OR2C1: variants seen among roughly 807,000 people sequenced by gnomAD.
OR2C1 encodes olfactory receptor 2C1.
For synonymous variants in OR2C1, 209 were observed against 167.3 expected (o/e 1.25, Z -1.92); for missense variants, 468 against 388.3 (o/e 1.21, Z -1.73).
At chr16:3,357,975 G>T (rs1036557179), downstream of OR2C1, among the ~76,000 whole-genome samples, 1 of 151,738 alleles carries the variant, frequency 6.6e-6, no homozygotes, top group Non-Finnish European at 1.5e-5. Context: ...GCAAAACTCC[G>T]TCTCAATAAT....
chr16:3,345,860 C>CTCCT, the OR2C1 span, among the ~76,000 whole-genome samples: 2 of 149,786 alleles, frequency 1.3e-5, no homozygotes, highest in African/African-American at 4.9e-5. Flanking sequence ...CCCTCCCTCC[C>CTCCT]TCTCTCTTTC....
the OR2C1 span, among the ~76,000 whole-genome samples, chr16:3,338,186 G>T: frequency 6.6e-6 from 1 of 152,176 alleles, no homozygotes. Flanking sequence ...ACTCTGATTT[G>T]GTGTCTCCTT....
chr16:3,344,695 T>G, the OR2C1 span, among the ~76,000 whole-genome samples: 1 of 152,010 alleles, frequency 6.6e-6, no homozygotes, highest in African/African-American at 2.4e-5. Context: ...GCCACTGCAC[T>G]CCAGCCTGGG....
the OR2C1 span, among the ~76,000 whole-genome samples, chr16:3,338,884 A>G: frequency 2.6e-5 from 4 of 152,302 alleles, no homozygotes; most frequent in South Asian, 2.1e-4. Context: ...AAAATTAACC[A>G]TTTTAAGTGA....
chr16:3,326,209 G>A, the OR2C1 span, among the ~76,000 whole-genome samples: 3 of 152,018 alleles, frequency 2.0e-5, no homozygotes, highest in Non-Finnish European at 2.9e-5. Flanking sequence ...GATTACAGGC[G>A]TGAGCCACCG....
the OR2C1 span, among the ~76,000 whole-genome samples, chr16:3,334,676 G>A: frequency 5.5e-4 from 83 of 151,748 alleles, no homozygotes; most frequent in African/African-American, 1.8e-3. Context: ...AAAATGAGTT[G>A]GTTATAAATG....
the OR2C1 span, among the ~76,000 whole-genome samples, chr16:3,331,983 A>G: frequency 8.2e-4 from 124 of 151,402 alleles, no homozygotes; most frequent in African/African-American, 2.9e-3. Context: ...AGAACAAAAA[A>G]CCAAACACTG....
At chr16:3,339,645 A>G in the OR2C1 span, among the ~76,000 whole-genome samples, 538 of 152,150 alleles carry the variant, frequency 3.5e-3, 1 homozygote, top group Non-Finnish European at 6.2e-3. Flanking sequence ...TTTAGTAGAC[A>G]TGGGGTTTCA....
chr16:3,344,230 A>T, the OR2C1 span, among the ~76,000 whole-genome samples: 3 of 152,250 alleles, frequency 2.0e-5, 1 homozygote, highest in East Asian at 5.8e-4. Context: ...TAAAAAAAAC[A>T]AAACAAAACA....
chr16:3,350,443 G>T, the OR2C1 span, among the ~76,000 whole-genome samples: 2 of 139,352 alleles, frequency 1.4e-5, no homozygotes, highest in African/African-American at 2.7e-5. Flanking sequence ...ATGGAGTCTT[G>T]CTCTGTCGCC....
At position 3,355,947 on chromosome 16, in the gene OR2C1, G is replaced by A. The variant is rs376003573; in HGVS notation, c.7G>A (p.Gly3Arg). MD[G>R]VNDSSLQGFV... ...TGACTGAAGACAACCAGTGATGGAC[G>A]GGGTGAATGATAGCTCCTTGCAGGG... The change falls in exon 1 of 1, where the codon GGG becomes AGG. Residue 3 changes from glycine (G) to arginine (R), a missense_variant. Transcript: ENST00000304936. 2.1e-5 allele frequency: 34 copies of A among 1,602,580 alleles called. No homozygotes were observed. The highest frequency in any genetic ancestry group is 3.4e-5 in the Admixed American group (2 of 58,992).
the OR2C1 span, among the ~76,000 whole-genome samples, chr16:3,342,170 G>C: frequency 6.6e-6 from 1 of 152,118 alleles, no homozygotes; most frequent in Non-Finnish European, 1.5e-5. Flanking sequence ...AGAATCACTT[G>C]AACTCAGGGG....
the OR2C1 span, among the ~76,000 whole-genome samples, chr16:3,346,534 T>G: frequency 6.6e-6 from 1 of 151,760 alleles, no homozygotes; most frequent in Non-Finnish European, 1.5e-5. Flanking sequence ...CTAGATGATA[T>G]CTGAGGGTTC....
At chr16:3,323,580 A>G in the OR2C1 span, 1 of 750,852 alleles carries the variant, frequency 1.3e-6, no homozygotes. Context: ...ACACCACTAA[A>G]AATTTTCTTA....
At chr16:3,329,341 G>C in the OR2C1 span, among the ~76,000 whole-genome samples, 1 of 151,702 alleles carries the variant, frequency 6.6e-6, no homozygotes, top group East Asian at 1.9e-4. Flanking sequence ...GACCAAGAAT[G>C]TCCCAGGATT....
At chr16:3,326,330 C>G in the OR2C1 span, among the ~76,000 whole-genome samples, 1 of 152,132 alleles carries the variant, frequency 6.6e-6, no homozygotes, top group East Asian at 1.9e-4. Context: ...TAAATACACT[C>G]TCCAAAATGA....
At position 3,356,931 on chromosome 16, in the gene OR2C1, A is replaced by C; in HGVS notation, c.*52A>C. 27 of 1,392,490 alleles carry C rather than the reference A, an allele frequency of 1.9e-5. No homozygotes were observed. The highest frequency in any genetic ancestry group is 2.3e-5 in the Non-Finnish European group (24 of 1,035,784). 86.3% of individuals were successfully genotyped at this position (1,392,490 alleles called of 1,614,324 possible). ...GTCTTCATCTCTACATGCGTTTCTC[A>C]TTAACTCTCTCTGGCCAGGTGAACA... On this transcript the variant is annotated 3_prime_UTR_variant, in exon 1 of 1. Coordinates refer to ENST00000304936, the MANE Select transcript of OR2C1 (RefSeq NM_012368.3).
the OR2C1 span, among the ~76,000 whole-genome samples, chr16:3,344,609 C>T: frequency 3.3e-5 from 5 of 152,048 alleles, no homozygotes. Flanking sequence ...CGCCTGTAGT[C>T]CCAGCTACTC....
the OR2C1 span, among the ~76,000 whole-genome samples, chr16:3,338,718 T>C: frequency 6.6e-6 from 1 of 151,984 alleles, no homozygotes; most frequent in Non-Finnish European, 1.5e-5. Context: ...TTTGTATTTT[T>C]AGTAGAGACG....
Sources: allele counts gnomAD v4.1 joint callset (sites outside exome capture counted in the v4.1 genomes callset), GRCh38; gene constraint gnomAD v4.1.1; transcripts MANE v1.5; gene names NCBI Gene and HGNC (gene_info 2026-07-23, HGNC 2026-07-21).